Variants in HERPUD2 observed in about 807,000 individuals in gnomAD.
HERPUD2 encodes the protein homocysteine-responsive endoplasmic reticulum-resident ubiquitin-like domain member 2 protein.
HERPUD2 carries 13 observed loss-of-function variants against 49.9 expected under a neutral mutation model. The ratio of observed to expected loss-of-function variants is 0.26; its 90% confidence interval spans 0.17 to 0.41. The LOEUF (loss-of-function observed/expected upper bound fraction) is 0.41. Ranked by LOEUF, HERPUD2 falls within the 10% of genes least tolerant of loss-of-function variation. The pLI is 1.00. For missense variants in HERPUD2, 449 were observed against 492.2 expected, an observed-to-expected ratio of 0.91 and a Z score of 0.83; for synonymous variants, 172 against 171.4, an observed-to-expected ratio of 1.00 and a Z score of -0.03.
In HERPUD2 at chr7:35,633,342, TAC is replaced by T. The variant is rs1478992828; in HGVS notation, c.*346_*347del. 6.4e-6 allele frequency: 1 copy of T among 155,158 alleles called. No individual in the cohort carries two copies. The highest frequency in any genetic ancestry group is 1.9e-4 in the East Asian group (1 of 5,310). 9.6% of individuals were successfully genotyped at this position (155,158 alleles called of 1,614,324 possible). ...CCTCGGCCTCCCAAAGTGCTGGGAT[TAC>T]AGACGTGAGCCATGGCGCCCGGCCA... On this transcript the variant is annotated 3_prime_UTR_variant, in exon 9 of 9. Transcript: ENST00000311350.
In HERPUD2 at chr7:35,638,339, G is replaced by A. The variant is rs773676211; in HGVS notation, c.617+11C>T. The A allele has an allele frequency of 6.4e-7, 1 of 1,572,218 alleles. No individual in the cohort carries two copies. Among genetic ancestry groups the A allele is most frequent in the Non-Finnish European group, 8.7e-7 (1 of 1,154,636 alleles). On this transcript the variant is annotated intron_variant, in intron 6 of 8. Coordinates refer to ENST00000311350, the MANE Select transcript of HERPUD2 (RefSeq NM_022373.5). ...CTGAGTAACTTAAAAAATGAACTCA[G>A]ATTAACTTACTACTGCATATAATAC...
chr7:35,663,825 C>A (rs937631900), intron 5 of HERPUD2, among the ~76,000 whole-genome samples: 11 of 152,106 alleles, frequency 7.2e-5, no homozygotes. Flanking sequence ...CTGAATACAG[C>A]AGATGGGTCT....
chr7:35,668,427 G>A (rs952780746), intron 4 of HERPUD2: 5 of 152,688 alleles, frequency 3.3e-5, no homozygotes, highest in Admixed American at 3.3e-4. Flanking sequence ...AGTGTTTCAT[G>A]TACATTTAAA....
At chr7:35,682,028 T>C (rs749975955) in intron 2 of HERPUD2, among the ~76,000 whole-genome samples, 8 of 152,040 alleles carry the variant, frequency 5.3e-5, no homozygotes, top group African/African-American at 9.7e-5. Context: ...TTACTTTCAA[T>C]TGAATATCCA....
At chr7:35,686,735 A>AC (rs1554317986) in intron 2 of HERPUD2, among the ~76,000 whole-genome samples, 2 of 96,384 alleles carry the variant, frequency 2.1e-5, no homozygotes, top group African/African-American at 4.8e-5. Flanking sequence ...AAAAAAAAAA[A>AC]AAAAAAAAAA....
chr7:35,648,048 A>G lies in HERPUD2; in HGVS notation c.495-9576T>C, dbSNP rs118134952. ...TCTCAGATTAAAACAAGGACATTCCAACTTATCACGTTAGCAAGTACATAT... is the reference window on the plus strand; with the variant it reads ...TCTCAGATTAAAACAAGGACATTCCGACTTATCACGTTAGCAAGTACATAT... On this transcript the variant is annotated intron_variant, in intron 5 of 8. Coordinates refer to ENST00000311350, the MANE Select transcript of HERPUD2 (RefSeq NM_022373.5). Among the ~76,000 whole-genome samples, 267 of 152,352 alleles carry G rather than the reference A, an allele frequency of 1.8e-3. 1 individual carries two copies. Among genetic ancestry groups the G allele is most frequent in the Non-Finnish European group, 1.5e-3 (99 of 68,030 alleles).
intron 5 of HERPUD2, among the ~76,000 whole-genome samples, chr7:35,648,687 T>C (rs1785100529): frequency 6.6e-6 from 1 of 152,182 alleles, no homozygotes; most frequent in Non-Finnish European, 1.5e-5. Flanking sequence ...CCTCTTGTCT[T>C]CCTGTCATTT....
At chr7:35,643,285 A>C (rs760403342) in intron 5 of HERPUD2, among the ~76,000 whole-genome samples, 11 of 152,334 alleles carry the variant, frequency 7.2e-5, no homozygotes, top group Non-Finnish European at 1.3e-4. Context: ...TAAGACACAA[A>C]TCTATCCTAA....
intron 2 of HERPUD2, among the ~76,000 whole-genome samples, chr7:35,693,964 T>C (rs1786254200): frequency 6.6e-6 from 1 of 152,202 alleles, no homozygotes; most frequent in Non-Finnish European, 1.5e-5. Context: ...AGTCCCTTGA[T>C]ATTTCTGCTT....
chr7:35,657,069 C>A (rs1785291456), intron 5 of HERPUD2, among the ~76,000 whole-genome samples: 1 of 150,524 alleles, frequency 6.6e-6, no homozygotes, highest in Non-Finnish European at 1.5e-5. Flanking sequence ...AGTGAAGAGG[C>A]AACTGCTGAA....
rs911068281 is a variant in HERPUD2 at position 35,694,516 on chromosome 7, T to G, written c.-186A>C. 2.6e-5 allele frequency: 16 copies of G among 623,808 alleles called. No homozygotes were observed. Among genetic ancestry groups the G allele is most frequent in the Non-Finnish European group, 3.9e-5 (14 of 361,514 alleles). The allele number at this position is 623,808 out of a possible 1,614,324, so 38.6% of individuals were successfully genotyped here. On this transcript the variant is annotated 5_prime_UTR_variant, in exon 2 of 9. Transcript: ENST00000311350. ...CGGTACCAAGGATGGACTGAGGTGG[T>G]GGCGACTGCGACGGTGGGGTCTGGG...
intron 2 of HERPUD2, among the ~76,000 whole-genome samples, chr7:35,677,016 T>C (rs1785777050): frequency 6.6e-6 from 1 of 152,216 alleles, no homozygotes; most frequent in South Asian, 2.1e-4. Context: ...AATTCTTGTT[T>C]TCATTTAGAG....
intron 5 of HERPUD2, among the ~76,000 whole-genome samples, chr7:35,639,098 G>A (rs1311957513): frequency 2.0e-5 from 3 of 151,210 alleles, no homozygotes; most frequent in Non-Finnish European, 2.9e-5. Context: ...GCGTGATCTC[G>A]GCTCAGTGAA....
chr7:35,673,494 T>C (rs537544608), intron 2 of HERPUD2, among the ~76,000 whole-genome samples: 2 of 152,238 alleles, frequency 1.3e-5, no homozygotes, highest in South Asian at 2.1e-4. Context: ...GTAGCTATAA[T>C]AAAGTACAGA....
intron 2 of HERPUD2, among the ~76,000 whole-genome samples, chr7:35,680,165 G>A (rs904153942): frequency 4.6e-5 from 7 of 152,158 alleles, no homozygotes; most frequent in Admixed American, 4.6e-4. Flanking sequence ...CCAGCACTTT[G>A]GGAGGCTGAG....
intron 2 of HERPUD2, among the ~76,000 whole-genome samples, chr7:35,683,487 AAGCCCTTCT>A (rs1293036727): frequency 6.6e-6 from 1 of 152,266 alleles, no homozygotes; most frequent in Non-Finnish European, 1.5e-5. Context: ...AATATTGGAA[AAGCCCTTCT>A]AGACACTGCC....
chr7:35,660,834 T>A (rs542082654), intron 5 of HERPUD2, among the ~76,000 whole-genome samples: 1 of 152,360 alleles, frequency 6.6e-6, no homozygotes, highest in Admixed American at 6.5e-5. Context: ...AGGTTGCCTG[T>A]TCACTCTGAT....
intron 3 of HERPUD2, among the ~76,000 whole-genome samples, chr7:35,672,292 G>GAA (rs917495362): frequency 7.4e-5 from 11 of 148,932 alleles, no homozygotes; most frequent in Non-Finnish European, 1.6e-4. Flanking sequence ...AGGAAAGAAA[G>GAA]AAAAAAAAAC....
At chr7:35,668,544 C>T (rs1202933032) in intron 4 of HERPUD2, 2 of 154,612 alleles carry the variant, frequency 1.3e-5, no homozygotes, top group African/African-American at 4.8e-5. Flanking sequence ...GTATTTTACC[C>T]GTACTGCCTT....
Sources: gnomAD v4.1 joint callset for allele counts (sites outside exome capture counted in the v4.1 genomes callset) on GRCh38, gnomAD v4.1.1 for gene constraint, MANE v1.5 for transcripts, NCBI Gene and HGNC (gene_info 2026-07-23, HGNC 2026-07-21) for gene names.